The following R3HCC1L variants were observed in gnomAD, a reference collection of about 807,000 sequenced individuals.
R3HCC1L encodes the protein R3H domain and coiled-coil containing 1 like, also known as coiled-coil domain-containing protein R3HCC1L.
R3HCC1L carries 51 observed loss-of-function variants against 59.9 expected under a neutral mutation model. That is an observed-to-expected ratio of 0.85 (90% CI 0.68 to 1.07). The LOEUF (loss-of-function observed/expected upper bound fraction) is 1.07. Among genes scored for constraint, R3HCC1L ranks in the 50% least tolerant of loss-of-function variants. R3HCC1L has a pLI of 0.00. For synonymous variants in R3HCC1L, 322 were observed against 315.2 expected (o/e 1.02, Z -0.23); for missense variants, 965 against 933.0 (o/e 1.03, Z -0.45).
intron 1 of R3HCC1L, among the ~76,000 whole-genome samples, chr10:98,142,945 C>T (rs1054460046): frequency 6.7e-6 from 1 of 148,624 alleles, no homozygotes; most frequent in African/African-American, 2.5e-5. Flanking sequence ...CAAAAAAAAA[C>T]AAACAAACAA....
chr10:98,176,267 C>T lies in R3HCC1L; in HGVS notation c.-15+12870C>T, dbSNP rs562575386. ...TTTGGCGATTCCAGTTCCTATGCCT[C>T]TTCATATCCATTTTAAAATCAGCTT... On this transcript the variant is annotated intron_variant, in intron 4 of 9. Coordinates refer to ENST00000298999, the MANE Select transcript of R3HCC1L (RefSeq NM_001351015.2). 3.3e-5 allele frequency among the ~76,000 whole-genome samples: 5 copies of T among 152,254 alleles called. 1 individual carries two copies. In the East Asian group the frequency reaches 7.7e-4, roughly 24 times the overall value.
intron 1 of R3HCC1L, among the ~76,000 whole-genome samples, chr10:98,153,133 C>T (rs1356658943): frequency 4.6e-5 from 7 of 152,118 alleles, no homozygotes; most frequent in Non-Finnish European, 8.8e-5. Context: ...TCATTGAGAA[C>T]GGGCCATGAT....
chr10:98,204,889 G>A (rs1852463411), intron 4 of R3HCC1L, among the ~76,000 whole-genome samples: 1 of 152,092 alleles, frequency 6.6e-6, no homozygotes, highest in South Asian at 2.1e-4. Flanking sequence ...CATCCATTGG[G>A]GATCTTGGTA....
At chr10:98,234,586 C>T (rs1042823672) in intron 7 of R3HCC1L, 70 bp downstream of exon 7, 1 of 1,491,424 alleles carries the variant, frequency 6.7e-7, no homozygotes, top group Admixed American at 1.8e-5. Context: ...TTCTATTTCC[C>T]TTCTATTTGA....
chr10:98,178,216 T>C (rs992043960), intron 4 of R3HCC1L, among the ~76,000 whole-genome samples: 4 of 152,226 alleles, frequency 2.6e-5, no homozygotes, highest in African/African-American at 9.6e-5. Flanking sequence ...TTTAAGTCTT[T>C]AATCCATCTC....
At chr10:98,191,654 T>G (rs1347580288) in intron 4 of R3HCC1L, among the ~76,000 whole-genome samples, 1 of 152,230 alleles carries the variant, frequency 6.6e-6, no homozygotes, top group Non-Finnish European at 1.5e-5. Context: ...CTCTTTAGTT[T>G]AATCAGATCC....
rs1169282161 is a variant in R3HCC1L, at chr10:98,208,850, G to T, written c.736G>T (p.Val246Leu). ...AAAACTAAGCTCTGATTCTGAAATT[G>T]TACAACAAAGCATGCAAACATCAGA... Reference protein sequence around the residue: ...PIKLSSDSEIVQQSMQTSDGI... With the variant: ...PIKLSSDSEILQQSMQTSDGI... Residue 246 changes from valine (V) to leucine (L), a missense_variant, in exon 5 of 10, where the codon GTA becomes TTA. Transcript: ENST00000298999. 5 of 1,614,002 alleles carry T rather than the reference G, an allele frequency of 3.1e-6. No homozygotes were observed. The highest frequency in any genetic ancestry group is 3.3e-5 in the Admixed American group (2 of 59,996).
chr10:98,193,365 A>G (rs1001821244), intron 4 of R3HCC1L, among the ~76,000 whole-genome samples: 3 of 152,056 alleles, frequency 2.0e-5, no homozygotes, highest in African/African-American at 7.2e-5. Context: ...TTACGTGTAC[A>G]AAACCAAAAA....
At chr10:98,221,644 C>T (rs1229700444) in intron 5 of R3HCC1L, among the ~76,000 whole-genome samples, 1 of 151,552 alleles carries the variant, frequency 6.6e-6, no homozygotes, top group Non-Finnish European at 1.5e-5. Context: ...GAATCCTTTC[C>T]CCATTGCTTG....
At chr10:98,172,826 C>G (rs919821822) in intron 4 of R3HCC1L, among the ~76,000 whole-genome samples, 17 of 152,138 alleles carry the variant, frequency 1.1e-4, no homozygotes, top group Non-Finnish European at 2.2e-4. Flanking sequence ...GCTTACTTCC[C>G]ATACAAAATT....
Position 98,186,546 on chromosome 10 carries a change from A to T in R3HCC1L, c.-14-21555A>T, listed in dbSNP as rs765439456. 1.5e-5 allele frequency: 15 copies of T among 971,714 alleles called. No homozygotes were observed. In the African/African-American group the frequency reaches 2.5e-4, roughly 16 times the overall value. 60.2% of individuals were successfully genotyped at this position (971,714 alleles called of 1,614,324 possible). A position where few individuals can be genotyped will look rare whatever the true frequency, so the allele number is the denominator to read the frequency against. The stretch of plus-strand genomic sequence containing the variant: ...CATTAGAGTGTTCAAGTCTTCTGAG[A>T]CTCCAGAGTCACCTAAGGTAGTGAC... On this transcript the variant is annotated intron_variant, in intron 4 of 9. Transcript: ENST00000298999.
intron 4 of R3HCC1L, among the ~76,000 whole-genome samples, chr10:98,197,726 G>C (rs1367007578): frequency 6.6e-6 from 1 of 152,182 alleles, no homozygotes; most frequent in Non-Finnish European, 1.5e-5. Context: ...CACTGAAGAA[G>C]AGAGGCAGAT....
chr10:98,151,218 C>A (rs1846128004), intron 1 of R3HCC1L, among the ~76,000 whole-genome samples: 1 of 152,166 alleles, frequency 6.6e-6, no homozygotes, highest in African/African-American at 2.4e-5. Context: ...CATTTTGGAA[C>A]TGGAAGAATG....
At chr10:98,210,700 A>T (rs917029772) in intron 5 of R3HCC1L, among the ~76,000 whole-genome samples, 1 of 152,178 alleles carries the variant, frequency 6.6e-6, no homozygotes, top group Admixed American at 6.6e-5. Flanking sequence ...AGGAAGTTGA[A>T]GCTCAGTGGT....
rs367650760 is a variant in R3HCC1L at position 98,152,206 on chromosome 10, C to T, written c.-267-3887C>T. On this transcript the variant is annotated intron_variant, in intron 1 of 9. Transcript: ENST00000298999. ...CTAACCGCGAGTGGTCCGCCAGCCT[C>T]GGCCTCCCGAGGTGCCGGGATTGCA... Among the ~76,000 whole-genome samples the T allele has an allele frequency of 8.5e-5, 13 of 152,274 alleles. No individual in the cohort carries two copies. The East Asian group carries it at 1.7e-3, about 20-fold the overall frequency.
chr10:98,212,832 T>A (rs1196787373), intron 5 of R3HCC1L, among the ~76,000 whole-genome samples: 2 of 152,202 alleles, frequency 1.3e-5, no homozygotes, highest in African/African-American at 2.4e-5. Flanking sequence ...TGGCACTGAT[T>A]TGAATTTTTA....
chr10:98,158,840 A>G (rs1168718839), intron 2 of R3HCC1L, among the ~76,000 whole-genome samples: 1 of 147,304 alleles, frequency 6.8e-6, no homozygotes, highest in Non-Finnish European at 1.5e-5. Context: ...TGGGGGTCTC[A>G]CTGTTGCCCA....
chr10:98,190,811 A>AGCCCCCCC (rs1850746865), intron 4 of R3HCC1L, among the ~76,000 whole-genome samples: 1 of 66,850 alleles, frequency 1.5e-5, no homozygotes, highest in African/African-American at 5.6e-5. Flanking sequence ...CCAGTCCCCC[A>AGCCCCCCC]CCCCCCGACA....
intron 4 of R3HCC1L, among the ~76,000 whole-genome samples, chr10:98,181,696 C>G (rs1849641039): frequency 6.6e-6 from 1 of 152,152 alleles, no homozygotes; most frequent in South Asian, 2.1e-4. Flanking sequence ...CCCATATTTC[C>G]TGGAGCCTTT....
Sources: allele counts gnomAD v4.1 joint callset (sites outside exome capture counted in the v4.1 genomes callset), GRCh38; gene constraint gnomAD v4.1.1; transcripts MANE v1.5; gene names NCBI Gene and HGNC (gene_info 2026-07-23, HGNC 2026-07-21).